The following TNFRSF1B variants were observed in gnomAD, a reference collection of about 807,000 sequenced individuals.
TNFRSF1B encodes the protein tumor necrosis factor receptor superfamily member 1B.
A neutral mutation model predicts 44.6 loss-of-function variants in TNFRSF1B; 19 were observed. The observed-to-expected ratio is 0.43, with a 90% CI of 0.30 to 0.62. The LOEUF (loss-of-function observed/expected upper bound fraction) is 0.62. TNFRSF1B is among the 20% of genes least tolerant of loss of function. The pLI is 0.16. For synonymous variants in TNFRSF1B, 252 were observed against 261.1 expected (o/e 0.97, Z 0.34); for missense variants, 541 against 619.9 (o/e 0.87, Z 1.35).
chr1:12,202,323 C>A, intron 9 of TNFRSF1B, 152 bp downstream of exon 9: 2 of 1,284,828 alleles, frequency 1.6e-6, no homozygotes, highest in African/African-American at 1.5e-5. Context: ...AACCTAAGTT[C>A]CCTCCCGCCT....
intron 8 of TNFRSF1B, among the ~76,000 whole-genome samples, chr1:12,198,798 C>T (rs751244804): frequency 4.8e-4 from 72 of 148,806 alleles, no homozygotes; most frequent in Non-Finnish European, 7.6e-4. Context: ...TCACACCATT[C>T]TCCTGCCTCA....
Position 12,206,948 on chromosome 1 carries a change from G to C in TNFRSF1B, c.1314G>C (p.Glu438Asp). ...CAFRSQLETP[E>D]TLLGSTEEKP... is the part of the protein sequence containing the mutation. ...TTCGGTCACAGCTGGAGACGCCAGA[G>C]ACCCTGCTGGGGAGCACCGAAGAGA... Residue 438 changes from glutamate (E) to aspartate (D), a missense_variant, in exon 10 of 10, where the codon GAG (glutamate) becomes GAC (aspartate). By Grantham distance (45) the Glu-to-Asp change is conservative (BLOSUM62 2). Transcript: ENST00000376259. 2 of 1,613,948 alleles carry C rather than the reference G, an allele frequency of 1.2e-6. No homozygotes were observed. Among genetic ancestry groups the C allele is most frequent in the Non-Finnish European group, 8.5e-7 (1 of 1,179,818 alleles).
In TNFRSF1B at chr1:12,180,089, A is replaced by T. The variant is rs5745981; in HGVS notation, c.79-8707A>T. Among the ~76,000 whole-genome samples the T allele has an allele frequency of 0.017, 2,624 of 151,608 alleles. 43 individuals are homozygous for T. Among genetic ancestry groups the T allele is most frequent in the South Asian group, 0.027 (129 of 4,802 alleles). On this transcript the variant is annotated intron_variant, in intron 1 of 9. Transcript: ENST00000376259. The surrounding 1 kb of genome is among the most constrained non-coding windows in gnomAD (Gnocchi z 4.3). ...CCCCCTGGGGAAGGCTGGGAGCATG[A>T]CCTCTTCCCAAGGGTACGGCATCTA...
intron 8 of TNFRSF1B, among the ~76,000 whole-genome samples, 174 bp downstream of exon 8, chr1:12,194,792 G>A (rs1294593704): frequency 2.6e-5 from 4 of 152,222 alleles, no homozygotes; most frequent in Non-Finnish European, 4.4e-5. Flanking sequence ...CATGGGCTAA[G>A]AGAGGCTGTG....
chr1:12,197,391 T>A (rs1446109083), intron 8 of TNFRSF1B, among the ~76,000 whole-genome samples: 3 of 152,198 alleles, frequency 2.0e-5, no homozygotes, highest in African/African-American at 7.2e-5. Context: ...GTATAAACAC[T>A]CACACTGTAG....
In TNFRSF1B at chr1:12,177,394, G is replaced by A. The variant is rs925414575; in HGVS notation, c.78+10225G>A. 9.2e-5 allele frequency among the ~76,000 whole-genome samples: 14 copies of A among 152,276 alleles called. No homozygotes were observed. In the East Asian group the frequency reaches 2.3e-3, roughly 25 times the overall value. ...CAGGGCCAGCCCGGTCCTGGTCACC[G>A]CTGGCTGGTTACCCCGGCTGGGTTG... On this transcript the variant is annotated intron_variant, in intron 1 of 9. Transcript: ENST00000376259. The surrounding 1 kb of genome is among the most constrained non-coding windows in gnomAD (Gnocchi z 4.3).
chr1:12,172,835 T>TG (rs1638551338), intron 1 of TNFRSF1B, among the ~76,000 whole-genome samples: 1 of 152,154 alleles, frequency 6.6e-6, no homozygotes, highest in African/African-American at 2.4e-5. Context: ...CTGTGTGTTT[T>TG]GGGGATGAGT....
Position 12,168,563 on chromosome 1 carries a change from T to TG in TNFRSF1B, c.78+1397dup, listed in dbSNP as rs1638446861. On this transcript the variant is annotated intron_variant, in intron 1 of 9. Transcript: ENST00000376259. The surrounding 1 kb of genome is among the most constrained non-coding windows in gnomAD (Gnocchi z 4.7). ...GAGGGGGTCTTCCTGCCGCTGAGCT[T>TG]GGGCCTGCCTGGGTGAACTCTGGGG... 1.3e-5 allele frequency among the ~76,000 whole-genome samples: 2 copies of TG among 152,044 alleles called. No homozygotes were observed. Among genetic ancestry groups the TG allele is most frequent in the Non-Finnish European group, 2.9e-5 (2 of 67,982 alleles).
rs1485527153 is a variant in TNFRSF1B, at chr1:12,187,833, C to T, written c.79-963C>T. On this transcript the variant is annotated intron_variant, in intron 1 of 9. Transcript: ENST00000376259. The surrounding 1 kb of genome is among the most constrained non-coding windows in gnomAD (Gnocchi z 5.5). ...GAGGGGGCTTAGCAGGGACGTTGTT[C>T]ACCAGCTTCAGCCCAACACCACGGG... Among the ~76,000 whole-genome samples, 1 of 152,138 alleles carries T rather than the reference C, an allele frequency of 6.6e-6. No homozygotes were observed.
intron 1 of TNFRSF1B, 101 bp from the exon 2 acceptor site, chr1:12,188,695 A>G (rs1639040838): frequency 1.9e-6 from 2 of 1,080,206 alleles, no homozygotes; most frequent in Non-Finnish European, 2.8e-6. Flanking sequence ...GCAGACTGGC[A>G]GGGGGAGGGC....
At position 12,180,378 on chromosome 1, in the gene TNFRSF1B, TCTC is replaced by T. The variant is rs1638764234; in HGVS notation, c.79-8413_79-8411del. Among the ~76,000 whole-genome samples the T allele has an allele frequency of 1.3e-5, 2 of 152,196 alleles. No individual in the cohort carries two copies. The highest frequency in any genetic ancestry group is 4.8e-5 in the African/African-American group (2 of 41,454). Reference sequence around the variant, plus strand: ...GATGCCGTGCTTTCAGCTTTTTCCTTCTCCTCCAGGCCTCCCTTCTTTCCTTCC... The same window carrying T: ...GATGCCGTGCTTTCAGCTTTTTCCTTCTCCAGGCCTCCCTTCTTTCCTTCC... On this transcript the variant is annotated intron_variant, in intron 1 of 9. Coordinates refer to ENST00000376259, the MANE Select transcript of TNFRSF1B (RefSeq NM_001066.3). The surrounding 1 kb of genome is among the most constrained non-coding windows in gnomAD (Gnocchi z 4.3).
chr1:12,191,736 G>T, intron 3 of TNFRSF1B, 38 bp from the exon 4 acceptor site: 5 of 1,611,166 alleles, frequency 3.1e-6, no homozygotes, highest in Non-Finnish European at 3.4e-6. Flanking sequence ...GTGTGGCGGA[G>T]GCAGGCGTGA....
rs980365474 is a variant in TNFRSF1B at position 12,171,265 on chromosome 1, C to T, written c.78+4096C>T. On this transcript the variant is annotated intron_variant, in intron 1 of 9. Transcript: ENST00000376259. The surrounding 1 kb of genome is among the most constrained non-coding windows in gnomAD (Gnocchi z 4.5). Reference sequence around the variant, plus strand: ...CTGAACTCAAGTGATCCACCTGCCTCGGCCTCCCGAAGTGCTGGGATTATA... The same window carrying T: ...CTGAACTCAAGTGATCCACCTGCCTTGGCCTCCCGAAGTGCTGGGATTATA... Among the ~76,000 whole-genome samples the T allele has an allele frequency of 1.2e-4, 18 of 152,006 alleles. No individual in the cohort carries two copies. Among genetic ancestry groups the T allele is most frequent in the South Asian group, 6.2e-4 (3 of 4,820 alleles).
intron 1 of TNFRSF1B, among the ~76,000 whole-genome samples, chr1:12,184,816 C>G (rs1362811293): frequency 6.6e-6 from 1 of 152,208 alleles, no homozygotes; most frequent in Non-Finnish European, 1.5e-5. Context: ...TGAGGGGCTC[C>G]CCTGGTTACC....
chr1:12,186,387 A>G lies in TNFRSF1B; in HGVS notation c.79-2409A>G, dbSNP rs1638987880. Among the ~76,000 whole-genome samples, 1 of 152,258 alleles carries G rather than the reference A, an allele frequency of 6.6e-6. No individual in the cohort carries two copies. Among genetic ancestry groups the G allele is most frequent in the Non-Finnish European group, 1.5e-5 (1 of 68,046 alleles). On this transcript the variant is annotated intron_variant, in intron 1 of 9. Transcript: ENST00000376259. This position sits in a 1 kb window ranked among gnomAD's most constrained non-coding sequence, Gnocchi z 4.8. Reference sequence around the variant, plus strand: ...TACGTTGGCTGGTGGAAATTTGGCCAGGTCTGCACTGGCCCAGCGGTGCTG... The same window carrying G: ...TACGTTGGCTGGTGGAAATTTGGCCGGGTCTGCACTGGCCCAGCGGTGCTG...
At chr1:12,175,507 G>T (rs993650682) in intron 1 of TNFRSF1B, among the ~76,000 whole-genome samples, 2 of 152,104 alleles carry the variant, frequency 1.3e-5, no homozygotes, top group African/African-American at 4.8e-5. Context: ...AGTGCCCTGG[G>T]TGCCCCTGCT....
intron 1 of TNFRSF1B, 77 bp from the exon 2 acceptor site, chr1:12,188,714 TGCAGG>T: frequency 7.6e-7 from 1 of 1,321,934 alleles, no homozygotes. Flanking sequence ...GCCAAACATT[TGCAGG>T]GCGGGGACCT....
In TNFRSF1B at chr1:12,187,340, A is replaced by G. The variant is rs1047073174; in HGVS notation, c.79-1456A>G. ...GGATAATTTTGTATTTTTAGTAGAG[A>G]CAGGGTTTTGCCTTGTTGGCCAGGC... On this transcript the variant is annotated intron_variant, in intron 1 of 9. Transcript: ENST00000376259. This position sits in a 1 kb window ranked among gnomAD's most constrained non-coding sequence, Gnocchi z 5.5. Among the ~76,000 whole-genome samples, 1 of 151,946 alleles carries G rather than the reference A, an allele frequency of 6.6e-6. No homozygotes were observed.
chr1:12,179,513 G>C (rs916083706), intron 1 of TNFRSF1B, among the ~76,000 whole-genome samples: 18 of 152,202 alleles, frequency 1.2e-4, no homozygotes, highest in Non-Finnish European at 1.5e-5. Flanking sequence ...GGGGTCCCTG[G>C]GTCCTTGGGC....
Sources: allele counts gnomAD v4.1 joint callset (sites outside exome capture counted in the v4.1 genomes callset), GRCh38; gene constraint gnomAD v4.1.1; non-coding constraint Gnocchi (gnomAD v3.1); transcripts MANE v1.5; gene names NCBI Gene and HGNC (gene_info 2026-07-23, HGNC 2026-07-21).